The following FAM149A variants were observed in gnomAD, a reference collection of about 807,000 sequenced individuals.
FAM149A encodes protein FAM149A.
A neutral mutation model predicts 78.2 loss-of-function variants in FAM149A; 71 were observed. The observed-to-expected ratio is 0.91, with a 90% CI of 0.75 to 1.11. The LOEUF is 1.11. Ranked by LOEUF, FAM149A falls within the 50% of genes least tolerant of loss-of-function variation. The pLI, the probability that FAM149A is intolerant of heterozygous loss-of-function variation, is 0.00. For synonymous variants in FAM149A, 446 were observed against 410.5 expected (o/e 1.09, Z -1.04); for missense variants, 1,036 against 971.0 (o/e 1.07, Z -0.89).
chr4:186,140,413 G>C (rs1364122818), intron 1 of FAM149A, among the ~76,000 whole-genome samples: 1 of 148,842 alleles, frequency 6.7e-6, no homozygotes, highest in Non-Finnish European at 1.5e-5. Flanking sequence ...AATTAGCTGT[G>C]ACTACAGATC....
intron 1 of FAM149A, among the ~76,000 whole-genome samples, chr4:186,105,902 TG>T (rs890103927): frequency 6.6e-6 from 1 of 152,206 alleles, no homozygotes; most frequent in African/African-American, 2.4e-5. Flanking sequence ...GACAGAATTT[TG>T]TTTCTCTTCT....
intron 3 of FAM149A, among the ~76,000 whole-genome samples, chr4:186,150,251 C>T (rs73027940): frequency 0.053 from 8,107 of 151,992 alleles, 728 homozygotes; most frequent in African/African-American, 0.18. Flanking sequence ...TCCTCCCTCC[C>T]CCTCCCTCCA....
At chr4:186,158,593 A>G in intron 8 of FAM149A, 1 of 1,083,560 alleles carries the variant, frequency 9.2e-7, no homozygotes, top group Non-Finnish European at 1.1e-6. Flanking sequence ...CCTGCTGAGC[A>G]TTGCCGCCCA....
chr4:186,157,953 G>C (rs1482517998), intron 8 of FAM149A: 1 of 1,523,422 alleles, frequency 6.6e-7, no homozygotes, highest in Non-Finnish European at 8.8e-7. Context: ...CAAGTTCCTT[G>C]CGGTAGGAGC....
chr4:186,121,205 A>G (rs2099315935), intron 1 of FAM149A, among the ~76,000 whole-genome samples: 1 of 152,088 alleles, frequency 6.6e-6, no homozygotes, highest in African/African-American at 2.4e-5. Context: ...TTGTCTTACT[A>G]GAAAAAATGG....
chr4:186,157,477 A>G (rs1734132610), intron 7 of FAM149A, 88 bp from the exon 8 acceptor site: 14 of 1,362,302 alleles, frequency 1.0e-5, no homozygotes, highest in Middle Eastern at 2.0e-4. Context: ...TAGCTCAAGC[A>G]CACATATTCT....
chr4:186,120,357 T>G (rs1243906555), intron 1 of FAM149A, among the ~76,000 whole-genome samples: 1 of 152,148 alleles, frequency 6.6e-6, no homozygotes, highest in Non-Finnish European at 1.5e-5. Context: ...ATCTATATCT[T>G]CCACACATAG....
At chr4:186,117,507 T>C (rs1241703437) in intron 1 of FAM149A, 1 of 985,020 alleles carries the variant, frequency 1.0e-6, no homozygotes, top group Non-Finnish European at 1.2e-6. Flanking sequence ...GGGGTCTGAG[T>C]TCTAAAGAAT....
At chr4:186,163,010 C>T (rs1734735037) in intron 9 of FAM149A, 62 bp downstream of exon 9, 1 of 941,754 alleles carries the variant, frequency 1.1e-6, no homozygotes, top group South Asian at 1.4e-5. Flanking sequence ...CACTGGAGCA[C>T]TGAAGACTGC....
At position 186,174,110 on chromosome 4, in the gene FAM149A, CA is replaced by C. The variant is rs1174652283; in HGVS notation, c.*2124del. Among the ~76,000 whole-genome samples the C allele has an allele frequency of 4.0e-4, 41 of 101,942 alleles. 9 individuals are homozygous for C. Among genetic ancestry groups the C allele is most frequent in the African/African-American group, 1.1e-3 (35 of 31,782 alleles). The allele number at this position is 101,942 out of a possible 152,430, so 66.9% of individuals were successfully genotyped here. On this transcript the variant is annotated 3_prime_UTR_variant, in exon 14 of 14. Coordinates refer to ENST00000389354, the MANE Select transcript of FAM149A (RefSeq NM_001367768.3). ...TTTTTTTTTTTTTTTACTTGAAGTT[CA>C]GGGGTACATGTGCAGGTTGTTACAT...
At chr4:186,167,445 C>T in intron 13 of FAM149A, 183 bp downstream of exon 13, 1 of 663,278 alleles carries the variant, frequency 1.5e-6, no homozygotes, top group South Asian at 1.5e-5. Context: ...CAGAGACTTA[C>T]TTACCTGCTG....
chr4:186,145,253 G>A, intron 1 of FAM149A: 2 of 648,032 alleles, frequency 3.1e-6, no homozygotes, highest in South Asian at 1.3e-4. Context: ...CCCCGGGCAT[G>A]GCTCACGCGG....
intron 4 of FAM149A, among the ~76,000 whole-genome samples, chr4:186,152,948 A>C (rs1733724150): frequency 6.6e-6 from 1 of 151,848 alleles, no homozygotes; most frequent in African/African-American, 2.4e-5. Flanking sequence ...GAATCAGAAC[A>C]CTCATGTAAA....
In FAM149A at chr4:186,144,273, G is replaced by GT. The variant is rs1403709022; in HGVS notation, c.567-4899dup. 2 of 152,250 alleles carry GT rather than the reference G, an allele frequency of 1.3e-5. No individual in the cohort carries two copies. Among genetic ancestry groups the GT allele is most frequent in the African/African-American group, 4.8e-5 (2 of 41,440 alleles). The allele number at this position is 152,250 out of a possible 1,614,324, so 9.4% of individuals were successfully genotyped here. On this transcript the variant is annotated intron_variant, in intron 1 of 13. Coordinates refer to ENST00000389354, the MANE Select transcript of FAM149A (RefSeq NM_001367768.3). The surrounding 1 kb of genome is among the most constrained non-coding windows in gnomAD (Gnocchi z 4.2). ...CCTCCAAAACTGAAACGAGCACATG[G>GT]TAACGCAAGCGGCAGGCATGCTCGG...
chr4:186,167,052 A>G lies in FAM149A; in HGVS notation c.2095A>G (p.Thr699Ala). ...ATCGCGTCTTCGAGAAAGAACAGCC[A>G]CCCTGGAACGGTTGTCAAGGCCCAG... is the stretch of plus-strand genomic sequence containing the variant. Residue 699 changes from threonine (T) to alanine (A), a missense_variant, in exon 12 of 14, where the codon ACC becomes GCC. This residue lies in a region of FAM149A where 716 missense variants were observed against 711.8 expected (regional missense o/e 1.01). Coordinates refer to ENST00000389354, the MANE Select transcript of FAM149A (RefSeq NM_001367768.3). 1 of 1,614,066 alleles carries G rather than the reference A, an allele frequency of 6.2e-7. No homozygotes were observed. The highest frequency in any genetic ancestry group is 8.5e-7 in the Non-Finnish European group (1 of 1,179,990).
intron 1 of FAM149A, chr4:186,109,190 C>A (rs2099310182): frequency 4.7e-5 from 46 of 985,140 alleles, no homozygotes; most frequent in Non-Finnish European, 5.3e-5. Flanking sequence ...GAATTCCTAG[C>A]AATACGTAAG....
rs762037357 is a variant in FAM149A, at chr4:186,149,691, C to T, written c.776C>T (p.Ser259Phe). The T allele has an allele frequency of 2.8e-5, 36 of 1,284,112 alleles. 1 individual carries two copies. In the South Asian group the frequency reaches 4.5e-4, roughly 16 times the overall value. 79.5% of individuals were successfully genotyped at this position (1,284,112 alleles called of 1,614,324 possible). A position where few individuals can be genotyped will look rare whatever the true frequency, so the allele number is the denominator to read the frequency against. ...TCCACGGAGAGGGGCTCCGTTTATT[C>T]CTGGAGAGATGACGTATGTCTCAGA... The change falls in exon 3 of 14, where the codon TCC becomes TTC. Residue 259 changes from serine to phenylalanine, a missense_variant. Ser to Phe is a radical substitution (Grantham distance 155). Around this residue, in one of 3 missense-constraint regions of FAM149A, gnomAD observed 716 missense variants for 711.8 expected, o/e 1.01. Coordinates refer to ENST00000389354, the MANE Select transcript of FAM149A (RefSeq NM_001367768.3).
chr4:186,125,504 C>A, intron 1 of FAM149A: 1 of 347,524 alleles, frequency 2.9e-6, no homozygotes, highest in African/African-American at 2.2e-5. Flanking sequence ...AGCCAGCCAG[C>A]AATCAGTGAC....
At chr4:186,141,456 A>G (rs1229239783) in intron 1 of FAM149A, among the ~76,000 whole-genome samples, 2 of 152,350 alleles carry the variant, frequency 1.3e-5, no homozygotes, top group Admixed American at 1.3e-4. Context: ...TTAAAATTGT[A>G]TGTATTTACA....
Sources: gnomAD v4.1 joint callset for allele counts (sites outside exome capture counted in the v4.1 genomes callset) on GRCh38, gnomAD v4.1.1 for gene constraint, gnomAD v4.1.1 regional missense constraint, Gnocchi (gnomAD v3.1) non-coding constraint, MANE v1.5 for transcripts, NCBI Gene and HGNC (gene_info 2026-07-23, HGNC 2026-07-21) for gene names.